NXPE2: variants seen among roughly 807,000 people sequenced by gnomAD.
NXPE2 encodes the protein neurexophilin and PC-esterase domain family member 2, also known as NXPE family member 2.
NXPE2 carries 34 observed loss-of-function variants against 34.4 expected under a neutral mutation model. That is an observed-to-expected ratio of 0.99 (90% confidence interval 0.75 to 1.31). The LOEUF (loss-of-function observed/expected upper bound fraction) is 1.31. NXPE2 is among the 40% of genes most tolerant of loss of function. The pLI is 0.00. For synonymous variants in NXPE2, 235 were observed against 231.3 expected (o/e 1.02, Z -0.15); for missense variants, 649 against 672.5 (o/e 0.97, Z 0.39).
At chr11:114,610,930 C>T in the NXPE2 span, among the ~76,000 whole-genome samples, 6 of 151,806 alleles carry the variant, frequency 4.0e-5, no homozygotes, top group African/African-American at 7.3e-5. Flanking sequence ...AGTATTGCCT[C>T]GTGGGTAACC....
the NXPE2 span, among the ~76,000 whole-genome samples, chr11:114,479,994 A>C: frequency 6.6e-6 from 1 of 152,086 alleles, no homozygotes; most frequent in African/African-American, 2.4e-5. Context: ...TTTTAAAATA[A>C]CCAGCTGTCC....
the NXPE2 span, among the ~76,000 whole-genome samples, chr11:114,535,831 T>C: frequency 6.6e-6 from 1 of 152,088 alleles, no homozygotes; most frequent in African/African-American, 2.4e-5. Flanking sequence ...ACAATAATAA[T>C]GGGAGACGTT....
chr11:114,513,092 A>C, the NXPE2 span: 1 of 521,130 alleles, frequency 1.9e-6, no homozygotes, highest in Non-Finnish European at 3.9e-6. Context: ...GAAGTTGATC[A>C]CCTTTCCTGA....
the NXPE2 span, among the ~76,000 whole-genome samples, chr11:114,781,865 A>T: frequency 6.6e-5 from 10 of 152,164 alleles, no homozygotes; most frequent in African/African-American, 2.4e-4. Context: ...CAACTGGTTC[A>T]TCTGGAGTAG....
chr11:114,541,821 A>T, the NXPE2 span, among the ~76,000 whole-genome samples: 2 of 152,228 alleles, frequency 1.3e-5, no homozygotes, highest in Non-Finnish European at 2.9e-5. Flanking sequence ...AATTTTACAA[A>T]AGAACCAAAC....
At chr11:114,674,812 A>T (rs1323040232), upstream of NXPE2, among the ~76,000 whole-genome samples, 1 of 151,890 alleles carries the variant, frequency 6.6e-6, no homozygotes, top group Non-Finnish European at 1.5e-5. Flanking sequence ...GATGACCAGC[A>T]TTGTCCCGAT....
chr11:114,796,773 T>TAGAG, the NXPE2 span, among the ~76,000 whole-genome samples: 11 of 152,176 alleles, frequency 7.2e-5, no homozygotes, highest in Non-Finnish European at 1.5e-4. Flanking sequence ...AATCCCAACA[T>TAGAG]AGAGTGATGA....
rs1437217753 is a variant in NXPE2, at chr11:114,704,070, T to C, written c.928+18T>C. 2 of 1,524,928 alleles carry C rather than the reference T, an allele frequency of 1.3e-6. No homozygotes were observed. The highest frequency in any genetic ancestry group is 1.4e-5 in the African/African-American group (1 of 72,570). The allele number at this position is 1,524,928 out of a possible 1,614,324, so 94.5% of individuals were successfully genotyped here. ...ATGCAACAGTAAGTCTGGAGTGTTG[T>C]TGTCTGCCATGATCACAATTTATCC... is the stretch of plus-strand genomic sequence containing the variant. On this transcript the variant is annotated intron_variant, in intron 4 of 5. Coordinates refer to ENST00000389586, the MANE Select transcript of NXPE2 (RefSeq NM_182495.6).
the NXPE2 span, among the ~76,000 whole-genome samples, chr11:114,512,014 CTT>C: frequency 6.6e-6 from 1 of 152,128 alleles, no homozygotes; most frequent in Admixed American, 6.5e-5. Context: ...GCAAAACAAA[CTT>C]ATATCATAGT....
At chr11:114,603,822 C>A in the NXPE2 span, among the ~76,000 whole-genome samples, 1 of 149,866 alleles carries the variant, frequency 6.7e-6, no homozygotes, top group African/African-American at 2.5e-5. Flanking sequence ...CTAGGTAACT[C>A]CTATTAACTG....
chr11:114,654,962 C>T, the NXPE2 span, among the ~76,000 whole-genome samples: 1 of 152,196 alleles, frequency 6.6e-6, no homozygotes, highest in African/African-American at 2.4e-5. Flanking sequence ...TCCTATTTCT[C>T]TACAGCCTTG....
At chr11:114,535,035 G>A in the NXPE2 span, among the ~76,000 whole-genome samples, 47 of 151,046 alleles carry the variant, frequency 3.1e-4, no homozygotes, top group African/African-American at 9.4e-4. Flanking sequence ...CAGAGAGAAA[G>A]GTCGGGTTAC....
chr11:114,680,487 A>G (rs1006157287), intron 2 of NXPE2, among the ~76,000 whole-genome samples: 14 of 152,124 alleles, frequency 9.2e-5, no homozygotes, highest in South Asian at 6.2e-4. Flanking sequence ...AGCACAGCTC[A>G]GAAGGTTTCT....
the NXPE2 span, among the ~76,000 whole-genome samples, chr11:114,482,128 C>T: frequency 6.6e-6 from 1 of 152,050 alleles, no homozygotes; most frequent in Non-Finnish European, 1.5e-5. Flanking sequence ...GTGCCTGTAC[C>T]GTGTCAGTAG....
the NXPE2 span, among the ~76,000 whole-genome samples, chr11:114,724,890 G>GT: frequency 0.026 from 2,327 of 90,886 alleles, 83 homozygotes; most frequent in African/African-American, 0.076. Flanking sequence ...TTCAGAAATG[G>GT]TTTTTTTTTT....
intron 2 of NXPE2, among the ~76,000 whole-genome samples, chr11:114,687,710 G>T (rs569941594): frequency 6.6e-6 from 1 of 151,998 alleles, no homozygotes; most frequent in Non-Finnish European, 1.5e-5. Flanking sequence ...ACATTTAAAT[G>T]ATATAGATTC....
At chr11:114,599,213 G>A in the NXPE2 span, among the ~76,000 whole-genome samples, 1 of 152,098 alleles carries the variant, frequency 6.6e-6, no homozygotes, top group Non-Finnish European at 1.5e-5. Context: ...CAGGGGTACA[G>A]TGCCTCCAAG....
chr11:114,545,674 T>C, the NXPE2 span, among the ~76,000 whole-genome samples: 3 of 151,764 alleles, frequency 2.0e-5, no homozygotes, highest in South Asian at 2.1e-4. Flanking sequence ...TTGAATCTTA[T>C]AACACAAAGA....
At chr11:114,604,942 C>A in the NXPE2 span, among the ~76,000 whole-genome samples, 1 of 152,060 alleles carries the variant, frequency 6.6e-6, no homozygotes, top group Non-Finnish European at 1.5e-5. Flanking sequence ...CCACTGTTAC[C>A]TGGTGGATAA....
Sources: gnomAD v4.1 joint callset for allele counts (sites outside exome capture counted in the v4.1 genomes callset) on GRCh38, gnomAD v4.1.1 for gene constraint, MANE v1.5 for transcripts, NCBI Gene and HGNC (gene_info 2026-07-23, HGNC 2026-07-21) for gene names.